PLEKHG1: variants seen among roughly 807,000 people sequenced by gnomAD.
PLEKHG1 encodes the protein pleckstrin homology domain-containing family G member 1.
In PLEKHG1, 44 loss-of-function variants were observed where a neutral mutation model predicts 100.8. The observed-to-expected ratio is 0.44, with a 90% CI of 0.34 to 0.56. The LOEUF is 0.56. Among genes scored for constraint, PLEKHG1 ranks in the 20% least tolerant of loss-of-function variants. The pLI is 0.01. For missense variants in PLEKHG1, 1,545 were observed against 1,720.9 expected (o/e 0.90, Z 1.81); for synonymous variants, 640 against 662.5 (o/e 0.97, Z 0.52).
chr6:150,657,576 A>T (rs1309597306), intron 3 of PLEKHG1, among the ~76,000 whole-genome samples: 1 of 152,202 alleles, frequency 6.6e-6, no homozygotes, highest in Admixed American at 6.5e-5. Context: ...TTGGTAGATT[A>T]TCAGTATTTG....
intron 13 of PLEKHG1, among the ~76,000 whole-genome samples, chr6:150,821,683 C>CA (rs1205291410): frequency 6.6e-6 from 1 of 150,396 alleles, no homozygotes; most frequent in East Asian, 2.0e-4. Flanking sequence ...GACCGTGTCA[C>CA]AAAAAATAAT....
At chr6:150,837,578 G>A (rs534890263) in intron 15 of PLEKHG1, among the ~76,000 whole-genome samples, 34 of 152,338 alleles carry the variant, frequency 2.2e-4, no homozygotes, top group Non-Finnish European at 4.0e-4. Flanking sequence ...TCATCTTCTT[G>A]GAACCTTGTA....
At chr6:150,730,419 T>C (rs73608796) in intron 1 of PLEKHG1, among the ~76,000 whole-genome samples, 26,369 of 150,772 alleles carry the variant, frequency 0.17, 3,588 homozygotes, top group African/African-American at 0.38. Context: ...CTCATAAGGA[T>C]CGTGCAACCT....
intron 3 of PLEKHG1, among the ~76,000 whole-genome samples, chr6:150,689,011 G>C (rs1327241853): frequency 1.3e-5 from 2 of 152,168 alleles, no homozygotes; most frequent in African/African-American, 4.8e-5. Flanking sequence ...CAAAAATTCT[G>C]TAACCATTAA....
chr6:150,828,310 A>AT (rs1776728503), intron 14 of PLEKHG1: 2 of 1,612,020 alleles, frequency 1.2e-6, no homozygotes, highest in Non-Finnish European at 1.7e-6. Flanking sequence ...TAAGAAGCCG[A>AT]TTGAAGACGT....
In PLEKHG1 at chr6:150,666,643, G is replaced by A. The variant is rs75989683; in HGVS notation, c.-99+15857G>A. Among the ~76,000 whole-genome samples the A allele has an allele frequency of 1.0e-2, 1,522 of 152,240 alleles. 16 individuals carry two copies. The highest frequency in any genetic ancestry group is 0.017 in the Middle Eastern group (5 of 294). On this transcript the variant is annotated intron_variant, in intron 3 of 3. Coordinates refer to the PLEKHG1 transcript ENST00000367326. ...GTTATTGATGAGAAAATTGCAGTCT[G>A]GAGAGAGCTGGCAATACCATCAAAC...
intron 15 of PLEKHG1, 30 bp from the exon 17 acceptor site, chr6:150,839,803 G>A (rs911771144): frequency 1.6e-6 from 2 of 1,240,170 alleles, no homozygotes; most frequent in Non-Finnish European, 2.4e-6. Flanking sequence ...TATCCTGTGT[G>A]TATTTACTGT....
intron 1 of PLEKHG1, among the ~76,000 whole-genome samples, chr6:150,620,813 A>G (rs1232229597): frequency 6.6e-6 from 1 of 152,210 alleles, no homozygotes; most frequent in African/African-American, 2.4e-5. Flanking sequence ...TACAAGAGAC[A>G]TTACAAACAA....
In PLEKHG1 at chr6:150,737,750, C is replaced by G. The variant is rs1387492941; in HGVS notation, c.411+3658C>G. ...AAGAAAAGTGCTGCTCATTGACAGC[C>G]TACTATGATAAAACTTTTACCCTGC... On this transcript the variant is annotated intron_variant, in intron 2 of 15. Coordinates refer to ENST00000358517, the Ensembl canonical transcript of PLEKHG1. 2.0e-5 allele frequency among the ~76,000 whole-genome samples: 3 copies of G among 152,188 alleles called. No individual in the cohort carries two copies. In the East Asian group the frequency reaches 5.8e-4, roughly 29 times the overall value.
At chr6:150,811,607 T>G (rs1787535468) in intron 10 of PLEKHG1, among the ~76,000 whole-genome samples, 1 of 148,458 alleles carries the variant, frequency 6.7e-6, no homozygotes, top group African/African-American at 2.5e-5. Context: ...AAAAAGGAAT[T>G]AAGGAAACCA....
At chr6:150,720,629 C>T (rs922993555), upstream of PLEKHG1, among the ~76,000 whole-genome samples, 1 of 151,830 alleles carries the variant, frequency 6.6e-6, no homozygotes. Context: ...CCCACCCCAA[C>T]CTGCATTTTA....
chr6:150,753,249 G>A (rs543646324), intron 2 of PLEKHG1, among the ~76,000 whole-genome samples: 2 of 152,286 alleles, frequency 1.3e-5, no homozygotes, highest in East Asian at 1.9e-4. Context: ...TGTTTCAAAT[G>A]GCAGGATCTC....
rs376130061 is a variant in PLEKHG1, at chr6:150,786,453, G to T, written c.576G>T (p.Val192=). ...CTGTGGCCATAGCAGAGTGTTTTGT[G>T]TCCAAGGTAAGCAGGGTTCATCCTT... The change falls in exon 4 of 16, where the codon GTG becomes GTT. Residue 192 remains valine (V), a synonymous_variant. Transcript: ENST00000358517. 4.3e-6 allele frequency: 7 copies of T among 1,609,878 alleles called. No individual in the cohort carries two copies. In the Admixed American group the frequency reaches 1.2e-4, roughly 27 times the overall value.
At chr6:150,731,466 T>A (rs1183287495) in intron 1 of PLEKHG1, among the ~76,000 whole-genome samples, 1 of 152,254 alleles carries the variant, frequency 6.6e-6, no homozygotes, top group Non-Finnish European at 1.5e-5. Context: ...ATACTTGTCA[T>A]GAATATAAAC....
chr6:150,731,973 T>G (rs1335972099), intron 1 of PLEKHG1, among the ~76,000 whole-genome samples: 3 of 139,812 alleles, frequency 2.1e-5, no homozygotes, highest in African/African-American at 9.1e-5. Flanking sequence ...TTTTTTTTTT[T>G]TTTTTTGAGA....
chr6:150,800,357 C>T (rs182635754), intron 5 of PLEKHG1, among the ~76,000 whole-genome samples: 22 of 152,330 alleles, frequency 1.4e-4, no homozygotes, highest in Non-Finnish European at 2.8e-4. Flanking sequence ...GGAATACCGA[C>T]GTGCTGTGTG....
At chr6:150,756,270 G>T (rs868505216) in intron 2 of PLEKHG1, among the ~76,000 whole-genome samples, 152 of 152,244 alleles carry the variant, frequency 1.0e-3, no homozygotes, top group Middle Eastern at 6.8e-3. Flanking sequence ...CCATCTGCAC[G>T]GTGCCTCTGC....
chr6:150,690,672 C>G (rs1780319220), intron 3 of PLEKHG1, among the ~76,000 whole-genome samples: 1 of 152,152 alleles, frequency 6.6e-6, no homozygotes, highest in African/African-American at 2.4e-5. Flanking sequence ...CAAAATGAAA[C>G]TCTGGATTAG....
chr6:150,644,495 CT>C (rs1014695333), intron 2 of PLEKHG1, among the ~76,000 whole-genome samples: 25 of 151,744 alleles, frequency 1.6e-4, no homozygotes, highest in African/African-American at 5.6e-4. Flanking sequence ...CCACACCCGG[CT>C]AATTTTTGTA....
Sources: gnomAD v4.1 joint callset for allele counts (sites outside exome capture counted in the v4.1 genomes callset) on GRCh38, gnomAD v4.1.1 for gene constraint, MANE v1.5 for transcripts, NCBI Gene and HGNC (gene_info 2026-07-23, HGNC 2026-07-21) for gene names.